DSCAM: variants seen among roughly 807,000 people sequenced by gnomAD.
DSCAM encodes the protein DS cell adhesion molecule, also known as cell adhesion molecule DSCAM.
In DSCAM, 47 loss-of-function variants were observed where a neutral mutation model predicts 217.7. The ratio of observed to expected loss-of-function variants is 0.22; its 90% CI spans 0.17 to 0.28. The LOEUF (loss-of-function observed/expected upper bound fraction) is 0.28, where lower values mean the gene tolerates loss of function less well. Ranked by LOEUF, DSCAM falls within the 10% of genes least tolerant of loss-of-function variation. The pLI is 1.00. For missense variants in DSCAM, 2,080 were observed against 2,618.3 expected, an observed-to-expected ratio of 0.79 and a Z score of 4.49; for synonymous variants, 1,056 against 1,015.3, an observed-to-expected ratio of 1.04 and a Z score of -0.76.
intron 11 of DSCAM, among the ~76,000 whole-genome samples, chr21:40,233,407 A>C (rs2091399001): frequency 6.6e-6 from 1 of 152,242 alleles, no homozygotes; most frequent in African/African-American, 2.4e-5. Context: ...TGATGAAGAA[A>C]ATAAAGGTCA....
At chr21:40,413,598 T>C (rs569900424) in intron 3 of DSCAM, among the ~76,000 whole-genome samples, 112 of 152,326 alleles carry the variant, frequency 7.4e-4, no homozygotes, top group Non-Finnish European at 1.4e-3. Flanking sequence ...CAGCAGGATA[T>C]TGACAAACTA....
intron 3 of DSCAM, among the ~76,000 whole-genome samples, chr21:40,623,126 C>T (rs1601798746): frequency 6.6e-6 from 1 of 152,088 alleles, no homozygotes; most frequent in Admixed American, 6.5e-5. Context: ...TGTGTTTACT[C>T]GTTCAATCAA....
intron 1 of DSCAM, among the ~76,000 whole-genome samples, chr21:40,770,762 GGTTA>G (rs1223937196): frequency 2.0e-5 from 3 of 152,222 alleles, no homozygotes; most frequent in Admixed American, 6.5e-5. Flanking sequence ...GGCACAGAAA[GGTTA>G]GTTAGGCAGC....
At chr21:40,093,634 A>G (rs2146592252) in intron 21 of DSCAM, 87 bp downstream of exon 21, 1 of 1,470,874 alleles carries the variant, frequency 6.8e-7, no homozygotes, top group Non-Finnish European at 9.3e-7. Flanking sequence ...GATTTTTAGG[A>G]AAGTGTAAGT....
At chr21:40,717,317 C>T (rs1243106219) in intron 1 of DSCAM, among the ~76,000 whole-genome samples, 5 of 152,154 alleles carry the variant, frequency 3.3e-5, no homozygotes, top group Non-Finnish European at 4.4e-5. Flanking sequence ...GCCCTGCAGA[C>T]AATAAGGACA....
chr21:40,013,371 A>C lies in DSCAM; in HGVS notation c.5702T>G (p.Leu1901Trp). The C allele has an allele frequency of 1.3e-6, 2 of 1,568,766 alleles. No individual in the cohort carries two copies. The highest frequency in any genetic ancestry group is 1.7e-6 in the Non-Finnish European group (2 of 1,158,376). The change falls in exon 33 of 33, where the codon TTG becomes TGG. Residue 1901 changes from leucine (L) to tryptophan (W), a missense_variant. Transcript: ENST00000400454. ...KAHRPGDLIH[L>W]PPYLRMDFLL... is the part of the protein sequence containing the mutation. ...AAAGTCCATTCTAAGGTATGGAGGCAAATGTATGAGGTCACCTAGAAGGAA... is the reference window on the plus strand; with the variant it reads ...AAAGTCCATTCTAAGGTATGGAGGCCAATGTATGAGGTCACCTAGAAGGAA...
At chr21:40,485,707 T>A (rs374945425) in intron 3 of DSCAM, among the ~76,000 whole-genome samples, 1 of 152,162 alleles carries the variant, frequency 6.6e-6, no homozygotes, top group Admixed American at 6.5e-5. Flanking sequence ...GTTACTTACA[T>A]GCATATGTTA....
chr21:40,258,695 CATTAGGTCATAGCCTGTTCCTCTTCCTT>C (rs1463389736), intron 11 of DSCAM, among the ~76,000 whole-genome samples: 4 of 152,250 alleles, frequency 2.6e-5, no homozygotes, highest in Non-Finnish European at 5.9e-5. Flanking sequence ...TCCAAACAAG[CATTAGGTCATAGCCTGTTCCTCTTCCTT>C]ATTTGAAGGT....
chr21:40,133,143 T>C (rs984424801), intron 19 of DSCAM, among the ~76,000 whole-genome samples: 1 of 152,240 alleles, frequency 6.6e-6, no homozygotes, highest in Non-Finnish European at 1.5e-5. Context: ...ACTACCACGG[T>C]AGTATTTATC....
chr21:40,701,704 AG>A (rs2090658494), intron 2 of DSCAM, among the ~76,000 whole-genome samples: 1 of 152,068 alleles, frequency 6.6e-6, no homozygotes, highest in African/African-American at 2.4e-5. Context: ...ATCATTTAAA[AG>A]AGTGCTATTC....
At chr21:40,782,446 G>T (rs2091555302) in intron 1 of DSCAM, among the ~76,000 whole-genome samples, 1 of 152,148 alleles carries the variant, frequency 6.6e-6, no homozygotes, top group Non-Finnish European at 1.5e-5. Flanking sequence ...ATTACCTCCT[G>T]GTTGGGCGCA....
chr21:40,503,883 C>G (rs539832633), intron 3 of DSCAM, among the ~76,000 whole-genome samples: 18 of 152,290 alleles, frequency 1.2e-4, no homozygotes, highest in African/African-American at 4.1e-4. Flanking sequence ...TGAATTGGCA[C>G]TGATTTACAG....
At chr21:40,252,336 G>T (rs1323192950) in intron 11 of DSCAM, among the ~76,000 whole-genome samples, 1 of 152,210 alleles carries the variant, frequency 6.6e-6, no homozygotes. Context: ...GCCTAGGACT[G>T]TCTGGGTAAG....
intron 10 of DSCAM, among the ~76,000 whole-genome samples, chr21:40,282,684 C>T (rs1320094883): frequency 8.2e-6 from 1 of 122,184 alleles, no homozygotes; most frequent in African/African-American, 2.9e-5. Context: ...AATCAAATAA[C>T]ATGCTGGTGT....
chr21:40,696,373 G>C (rs2090595344), intron 2 of DSCAM, among the ~76,000 whole-genome samples: 1 of 152,184 alleles, frequency 6.6e-6, no homozygotes, highest in African/African-American at 2.4e-5. Flanking sequence ...GGGAAAGTGT[G>C]AGTAGGGCAG....
intron 11 of DSCAM, among the ~76,000 whole-genome samples, chr21:40,208,796 C>T (rs991797835): frequency 2.0e-5 from 3 of 152,152 alleles, no homozygotes; most frequent in South Asian, 2.1e-4. Flanking sequence ...GAGGCAGCTG[C>T]GGCTTTCACT....
intron 3 of DSCAM, among the ~76,000 whole-genome samples, chr21:40,507,462 C>T (rs867375712): frequency 1.3e-5 from 2 of 152,128 alleles, no homozygotes; most frequent in Non-Finnish European, 1.5e-5. Flanking sequence ...AGGCAAATCA[C>T]GTACTCTAAT....
chr21:40,699,865 T>C (rs2090636818), intron 2 of DSCAM, among the ~76,000 whole-genome samples: 1 of 152,202 alleles, frequency 6.6e-6, no homozygotes, highest in Non-Finnish European at 1.5e-5. Context: ...CAGCAGGTTA[T>C]CTAGAAGCTC....
intron 32 of DSCAM, among the ~76,000 whole-genome samples, chr21:40,033,892 T>A (rs12483019): frequency 7.6e-6 from 1 of 131,306 alleles, no homozygotes; most frequent in East Asian, 2.1e-4. Context: ...GCAGCCTAAC[T>A]GGGAGGCACC....
Sources: gnomAD v4.1 joint callset for allele counts (sites outside exome capture counted in the v4.1 genomes callset) on GRCh38, gnomAD v4.1.1 for gene constraint, MANE v1.5 for transcripts, NCBI Gene and HGNC (gene_info 2026-07-23, HGNC 2026-07-21) for gene names.